VPS13B: variants seen among roughly 807,000 people sequenced by gnomAD.
The protein encoded by VPS13B is vacuolar protein sorting 13 homolog B.
VPS13B carries 285 observed loss-of-function variants against 426.4 expected under a neutral mutation model. That is an observed-to-expected ratio of 0.67 (90% confidence interval 0.61 to 0.74). The LOEUF (loss-of-function observed/expected upper bound fraction) is 0.74, where lower values mean the gene tolerates loss of function less well. VPS13B is among the 30% of genes least tolerant of loss of function. VPS13B has a pLI of 0.00. For synonymous variants in VPS13B, 1,676 were observed against 1,676.4 expected, an observed-to-expected ratio of 1.00 and a Z score of 0.01; for missense variants, 4,537 against 4,782.6, an observed-to-expected ratio of 0.95 and a Z score of 1.51.
At chr8:99,061,296 CTTTTTTTT>C (rs36037937) in intron 3 of VPS13B, among the ~76,000 whole-genome samples, 13 of 112,958 alleles carry the variant, frequency 1.2e-4, no homozygotes, top group East Asian at 2.5e-4. Context: ...TGCTAATTTT[CTTTTTTTT>C]TTTTTTTTTT....
intron 37 of VPS13B, among the ~76,000 whole-genome samples, chr8:99,718,151 C>T (rs559269650): frequency 6.6e-6 from 1 of 151,954 alleles, no homozygotes; most frequent in South Asian, 2.1e-4. Flanking sequence ...ACAATAATAG[C>T]TCACTGTAGC....
chr8:99,331,181 TA>T (rs775724186), intron 19 of VPS13B, among the ~76,000 whole-genome samples: 1 of 151,892 alleles, frequency 6.6e-6, no homozygotes, highest in African/African-American at 2.4e-5. Context: ...AATTTAAACT[TA>T]AATGAACAGT....
intron 53 of VPS13B, 64 bp from the exon 54 acceptor site, chr8:99,835,475 G>T: frequency 6.4e-7 from 1 of 1,556,454 alleles, no homozygotes; most frequent in Non-Finnish European, 8.8e-7. Flanking sequence ...GCCACATTAT[G>T]TTCTGTCCCC....
intron 17 of VPS13B, among the ~76,000 whole-genome samples, chr8:99,249,352 G>A (rs1361227282): frequency 1.3e-5 from 2 of 150,938 alleles, no homozygotes; most frequent in African/African-American, 4.9e-5. Context: ...ACAAGTTTTT[G>A]TGTGAACATG....
chr8:99,670,613 G>A (rs1830675477), intron 35 of VPS13B, among the ~76,000 whole-genome samples: 1 of 151,952 alleles, frequency 6.6e-6, no homozygotes, highest in Non-Finnish European at 1.5e-5. Context: ...CTGAAACTTT[G>A]TACCCATTCA....
intron 3 of VPS13B, among the ~76,000 whole-genome samples, chr8:99,077,331 C>T (rs1337447132): frequency 6.6e-6 from 1 of 152,092 alleles, no homozygotes; most frequent in Non-Finnish European, 1.5e-5. Flanking sequence ...TGCCACCACA[C>T]CTGGCTTTTT....
chr8:99,049,656 T>A (rs1843423929), intron 3 of VPS13B, among the ~76,000 whole-genome samples: 1 of 152,106 alleles, frequency 6.6e-6, no homozygotes. Flanking sequence ...TAGGCGATGA[T>A]CTTTTTGTGA....
chr8:99,285,495 T>C (rs1819386330), intron 19 of VPS13B, among the ~76,000 whole-genome samples: 1 of 152,222 alleles, frequency 6.6e-6, no homozygotes, highest in Non-Finnish European at 1.5e-5. Flanking sequence ...TATACTGGGC[T>C]GCAGGTGAAC....
chr8:99,850,412 T>C (rs1431052165), intron 55 of VPS13B, among the ~76,000 whole-genome samples: 2 of 149,918 alleles, frequency 1.3e-5, no homozygotes, highest in East Asian at 1.9e-4. Flanking sequence ...TATGTACTTA[T>C]ACATACACAG....
chr8:99,628,773 G>T (rs1393913041), intron 33 of VPS13B, among the ~76,000 whole-genome samples: 1 of 150,998 alleles, frequency 6.6e-6, no homozygotes, highest in East Asian at 1.9e-4. Flanking sequence ...TACTAGCTAT[G>T]TGTTTTTTTT....
intron 43 of VPS13B, among the ~76,000 whole-genome samples, chr8:99,790,140 C>T (rs1812470393): frequency 6.6e-6 from 1 of 152,074 alleles, no homozygotes; most frequent in Non-Finnish European, 1.5e-5. Flanking sequence ...AATAGTTTTT[C>T]TCAATTGTTC....
chr8:99,310,525 C>T (rs1259629542), intron 19 of VPS13B, among the ~76,000 whole-genome samples: 1 of 152,164 alleles, frequency 6.6e-6, no homozygotes, highest in Non-Finnish European at 1.5e-5. Context: ...CCTTGCATCC[C>T]AGGGATGAAG....
At chr8:99,335,084 G>A (rs1317806552) in intron 19 of VPS13B, among the ~76,000 whole-genome samples, 1 of 152,116 alleles carries the variant, frequency 6.6e-6, no homozygotes, top group African/African-American at 2.4e-5. Context: ...GTTTAGTCTT[G>A]GGAGGGTGCA....
At chr8:99,624,066 A>G (rs944214142) in intron 33 of VPS13B, among the ~76,000 whole-genome samples, 4 of 142,908 alleles carry the variant, frequency 2.8e-5, no homozygotes, top group African/African-American at 5.2e-5. Flanking sequence ...CCCAATAGCA[A>G]ATGAACTAAC....
chr8:99,129,375 G>A (rs572188484), intron 8 of VPS13B, among the ~76,000 whole-genome samples: 1 of 151,420 alleles, frequency 6.6e-6, no homozygotes, highest in Non-Finnish European at 1.5e-5. Flanking sequence ...TATAGCCTGG[G>A]CAACATAGTG....
At chr8:99,497,098 TTA>T (rs1820928472) in intron 25 of VPS13B, among the ~76,000 whole-genome samples, 1 of 137,208 alleles carries the variant, frequency 7.3e-6, no homozygotes. Flanking sequence ...ATATATATAT[TTA>T]TGTAATATAA....
At chr8:99,328,939 A>G (rs1387193751) in intron 19 of VPS13B, among the ~76,000 whole-genome samples, 1 of 152,080 alleles carries the variant, frequency 6.6e-6, no homozygotes, top group Non-Finnish European at 1.5e-5. Context: ...CTACTCCACA[A>G]TGCATTCTGT....
intron 33 of VPS13B, among the ~76,000 whole-genome samples, chr8:99,615,836 T>G (rs921455909): frequency 6.6e-6 from 1 of 152,208 alleles, no homozygotes; most frequent in African/African-American, 2.4e-5. Flanking sequence ...AATATTATTA[T>G]TATAATGATT....
At chr8:99,236,466 T>C (rs1199519845) in intron 17 of VPS13B, among the ~76,000 whole-genome samples, 1 of 152,178 alleles carries the variant, frequency 6.6e-6, no homozygotes, top group South Asian at 2.1e-4. Flanking sequence ...GCCAGGCTGG[T>C]CTTGAACTCC....
Sources: allele counts gnomAD v4.1 joint callset (sites outside exome capture counted in the v4.1 genomes callset), GRCh38; gene constraint gnomAD v4.1.1; transcripts MANE v1.5; gene names NCBI Gene and HGNC (gene_info 2026-07-23, HGNC 2026-07-21).